Variants in LRRTM4 observed in about 807,000 individuals in gnomAD.
The protein encoded by LRRTM4 is leucine rich repeat transmembrane neuronal 4.
LRRTM4 carries 25 observed loss-of-function variants against 47.6 expected under a neutral mutation model. The observed-to-expected ratio is 0.53, with a 90% CI of 0.38 to 0.73. The LOEUF is 0.73. Ranked by LOEUF, LRRTM4 falls within the 30% of genes least tolerant of loss-of-function variation. The probability of loss-of-function intolerance (pLI) is 0.00; values close to 1 mark genes in which losing one functional copy is unlikely to be tolerated. For synonymous variants in LRRTM4, 311 were observed against 269.5 expected (o/e 1.15, Z -1.51); for missense variants, 638 against 713.4 (o/e 0.89, Z 1.20).
chr2:76,862,757 A>G (rs1340201868), intron 3 of LRRTM4, among the ~76,000 whole-genome samples: 1 of 152,208 alleles, frequency 6.6e-6, no homozygotes, highest in African/African-American at 2.4e-5. Context: ...ACATTTGAAC[A>G]ATCTAAGAGC....
intron 3 of LRRTM4, among the ~76,000 whole-genome samples, chr2:77,181,589 TAA>T (rs1248136729): frequency 4.6e-5 from 7 of 152,172 alleles, no homozygotes; most frequent in Admixed American, 3.3e-4. Context: ...AACAAAAAGA[TAA>T]GTTACCCAAC....
At chr2:77,478,157 C>T (rs1265361611) in intron 3 of LRRTM4, among the ~76,000 whole-genome samples, 2 of 151,826 alleles carry the variant, frequency 1.3e-5, no homozygotes, top group Middle Eastern at 3.2e-3. Flanking sequence ...TTTTTCTTTC[C>T]CTCTATTTTC....
chr2:76,966,742 T>C (rs1439688844), intron 3 of LRRTM4, among the ~76,000 whole-genome samples: 1 of 151,524 alleles, frequency 6.6e-6, no homozygotes. Flanking sequence ...TAATTACCAA[T>C]TCCAACATGA....
chr2:76,900,041 C>A (rs1205063111), intron 3 of LRRTM4, among the ~76,000 whole-genome samples: 1 of 151,974 alleles, frequency 6.6e-6, no homozygotes, highest in East Asian at 1.9e-4. Flanking sequence ...CCAGCCTGAC[C>A]AATATGGTGA....
chr2:77,082,322 T>C (rs1003818091), intron 3 of LRRTM4, among the ~76,000 whole-genome samples: 4 of 152,128 alleles, frequency 2.6e-5, no homozygotes, highest in Non-Finnish European at 4.4e-5. Context: ...TGGACACTTA[T>C]GATGTGTCTC....
intron 3 of LRRTM4, among the ~76,000 whole-genome samples, chr2:76,866,620 T>C (rs1418819374): frequency 6.6e-6 from 1 of 152,166 alleles, no homozygotes; most frequent in Non-Finnish European, 1.5e-5. Context: ...CACATCACTT[T>C]AGGTAACTCT....
intron 3 of LRRTM4, among the ~76,000 whole-genome samples, chr2:76,788,180 T>C (rs553817086): frequency 4.0e-4 from 61 of 152,194 alleles, no homozygotes; most frequent in Non-Finnish European, 6.9e-4. Context: ...ATAGTTCCAG[T>C]AGAATGTGTT....
chr2:76,949,130 C>T (rs1675419344), intron 3 of LRRTM4, among the ~76,000 whole-genome samples: 1 of 151,976 alleles, frequency 6.6e-6, no homozygotes, highest in East Asian at 1.9e-4. Context: ...AATACAGAAA[C>T]ATCCAATCCT....
chr2:76,748,764 G>A lies in LRRTM4; in HGVS notation c.1704C>T (p.Asp568=). The A allele has an allele frequency of 6.2e-7, 1 of 1,613,984 alleles. No homozygotes were observed. The highest frequency in any genetic ancestry group is 1.1e-5 in the South Asian group (1 of 91,084). ...TGGCGATGGTGGCGATGAAGCTGTG[G>A]TCTCGGCCCAGCTCCAGGCCGGGGC... ...DESPGLELGR[D]HSFIATIARS... is the part of the protein sequence containing the mutation. Residue 568 remains aspartate (D), a synonymous_variant, in exon 4 of 4, where the codon GAC becomes GAT. Coordinates refer to ENST00000409884, the MANE Select transcript of LRRTM4 (RefSeq NM_001134745.3).
intron 3 of LRRTM4, among the ~76,000 whole-genome samples, chr2:77,344,595 C>T (rs985477399): frequency 2.6e-5 from 4 of 151,310 alleles, no homozygotes; most frequent in South Asian, 2.1e-4. Context: ...TATTGTAGTA[C>T]CAGAAGAAAG....
At chr2:76,849,764 ATAAT>A (rs1671938923) in intron 3 of LRRTM4, among the ~76,000 whole-genome samples, 1 of 152,166 alleles carries the variant, frequency 6.6e-6, no homozygotes, top group South Asian at 2.1e-4. Flanking sequence ...TCTGTATTTT[ATAAT>A]TAAAGGTTTC....
At chr2:77,007,252 G>T (rs1269500928) in intron 3 of LRRTM4, among the ~76,000 whole-genome samples, 2 of 151,968 alleles carry the variant, frequency 1.3e-5, no homozygotes, top group Non-Finnish European at 2.9e-5. Flanking sequence ...AGAGAAGAAA[G>T]ACTAAGAAGC....
chr2:77,238,295 A>C (rs1675164508), intron 3 of LRRTM4, among the ~76,000 whole-genome samples: 2 of 152,110 alleles, frequency 1.3e-5, no homozygotes, highest in African/African-American at 2.4e-5. Context: ...TAAGTACAAA[A>C]TTTTTAAAAG....
chr2:76,942,870 T>A (rs896267414), intron 3 of LRRTM4, among the ~76,000 whole-genome samples: 1 of 152,168 alleles, frequency 6.6e-6, no homozygotes, highest in Admixed American at 6.5e-5. Flanking sequence ...AATGATATGA[T>A]CTTTTGTAAA....
intron 3 of LRRTM4, among the ~76,000 whole-genome samples, chr2:77,391,778 G>A (rs1364551450): frequency 6.6e-6 from 1 of 151,902 alleles, no homozygotes; most frequent in Non-Finnish European, 1.5e-5. Context: ...GGAATGGGGA[G>A]GTGAGACATG....
chr2:77,041,730 C>A (rs755932805), intron 3 of LRRTM4, among the ~76,000 whole-genome samples: 1 of 150,374 alleles, frequency 6.7e-6, no homozygotes, highest in Non-Finnish European at 1.5e-5. Context: ...CATCTTTTAC[C>A]CATTTTTAAA....
intron 3 of LRRTM4, among the ~76,000 whole-genome samples, chr2:77,471,554 C>G (rs1169688656): frequency 6.6e-6 from 1 of 152,118 alleles, no homozygotes; most frequent in Non-Finnish European, 1.5e-5. Context: ...CCTCTTGCAA[C>G]CTCTCTGATC....
At chr2:77,243,115 TAA>T (rs1344798414) in intron 3 of LRRTM4, among the ~76,000 whole-genome samples, 1 of 151,960 alleles carries the variant, frequency 6.6e-6, no homozygotes, top group Non-Finnish European at 1.5e-5. Context: ...AAGCCAGTCA[TAA>T]AAAAGATAAA....
At chr2:77,111,735 A>G (rs1671258612) in intron 3 of LRRTM4, among the ~76,000 whole-genome samples, 1 of 152,102 alleles carries the variant, frequency 6.6e-6, no homozygotes, top group African/African-American at 2.4e-5. Flanking sequence ...TAATGGCCCT[A>G]GAGTGCAAGA....
Sources: gnomAD v4.1 joint callset for allele counts (sites outside exome capture counted in the v4.1 genomes callset) on GRCh38, gnomAD v4.1.1 for gene constraint, MANE v1.5 for transcripts, NCBI Gene and HGNC (gene_info 2026-07-23, HGNC 2026-07-21) for gene names.